Variants in CACNA1A observed in about 807,000 individuals in gnomAD.
CACNA1A encodes calcium voltage-gated channel subunit alpha1 A.
A neutral mutation model predicts 262.4 loss-of-function variants in CACNA1A; 57 were observed. The ratio of observed to expected loss-of-function variants is 0.22; its 90% CI spans 0.18 to 0.27. The LOEUF is 0.27. Among genes scored for constraint, CACNA1A ranks in the 10% least tolerant of loss-of-function variants. The probability of loss-of-function intolerance (pLI) is 1.00; values close to 1 mark genes in which losing one functional copy is unlikely to be tolerated. For missense variants in CACNA1A, 2,526 were observed against 3,562.8 expected, an observed-to-expected ratio of 0.71 and a Z score of 7.41; for synonymous variants, 1,431 against 1,419.3, an observed-to-expected ratio of 1.01 and a Z score of -0.18.
intron 3 of CACNA1A, among the ~76,000 whole-genome samples, chr19:13,381,839 C>T (rs1599332424): frequency 6.6e-6 from 1 of 152,180 alleles, no homozygotes; most frequent in South Asian, 2.1e-4. Context: ...TGTGAGGGGA[C>T]GAAGGCAGTG....
intron 1 of CACNA1A, among the ~76,000 whole-genome samples, chr19:13,483,626 C>T (rs538253543): frequency 3.9e-5 from 6 of 152,278 alleles, no homozygotes; most frequent in Non-Finnish European, 8.8e-5. Flanking sequence ...TGGTCTTGGG[C>T]AGACTGGAGG....
intron 3 of CACNA1A, chr19:13,451,648 T>C (rs374177621): frequency 6.6e-6 from 1 of 152,246 alleles, no homozygotes; most frequent in Non-Finnish European, 1.5e-5. Flanking sequence ...AGGATATGAA[T>C]GGAACAGGTA....
intron 11 of CACNA1A, among the ~76,000 whole-genome samples, chr19:13,313,765 C>G (rs1165462887): frequency 6.6e-6 from 1 of 152,048 alleles, no homozygotes; most frequent in Non-Finnish European, 1.5e-5. Context: ...ACCATAACGG[C>G]CCCATAATGC....
intron 5 of CACNA1A, chr19:13,363,413 G>T (rs1383507590): frequency 1.4e-5 from 2 of 145,472 alleles, no homozygotes; most frequent in African/African-American, 2.6e-5. Context: ...ATCGGGGAAA[G>T]AAATAATTAG....
intron 1 of CACNA1A, among the ~76,000 whole-genome samples, chr19:13,458,936 C>T (rs192001018): frequency 3.9e-5 from 6 of 152,304 alleles, no homozygotes; most frequent in Middle Eastern, 3.4e-3. Context: ...GCAGGATTTC[C>T]CAACCTCAGC....
intron 1 of CACNA1A, among the ~76,000 whole-genome samples, chr19:13,466,421 GCCTCCATTT>G (rs1033278880): frequency 2.6e-5 from 4 of 151,400 alleles, no homozygotes; most frequent in Admixed American, 6.6e-5. Context: ...GCTCACTGCA[GCCTCCATTT>G]CCTGGGTTCA....
chr19:13,455,594 T>TGCTATACATG (rs2060991419), intron 1 of CACNA1A, among the ~76,000 whole-genome samples: 1 of 152,200 alleles, frequency 6.6e-6, no homozygotes, highest in Non-Finnish European at 1.5e-5. Context: ...ACATCATGTA[T>TGCTATACATG]ACTATGCTAT....
At chr19:13,432,765 T>G (rs2060536149) in intron 3 of CACNA1A, among the ~76,000 whole-genome samples, 1 of 151,800 alleles carries the variant, frequency 6.6e-6, no homozygotes, top group South Asian at 2.1e-4. Context: ...TGCGATGTAG[T>G]GGATATGTTA....
At chr19:13,425,938 A>G (rs1400890848) in intron 3 of CACNA1A, among the ~76,000 whole-genome samples, 1 of 152,164 alleles carries the variant, frequency 6.6e-6, no homozygotes, top group Non-Finnish European at 1.5e-5. Context: ...CACGCCTGTA[A>G]TCCCAGCTAC....
chr19:13,409,104 T>G (rs1599387523), intron 3 of CACNA1A, among the ~76,000 whole-genome samples: 1 of 152,310 alleles, frequency 6.6e-6, no homozygotes, highest in East Asian at 1.9e-4. Flanking sequence ...TTACCTTGCT[T>G]GGCTCATTCA....
chr19:13,380,282 C>CA (rs58162911), intron 3 of CACNA1A, among the ~76,000 whole-genome samples: 80 of 22,008 alleles, frequency 3.6e-3, no homozygotes, highest in East Asian at 0.015. Context: ...GATGCCGTCT[C>CA]AAAAAAAAAA....
In CACNA1A at chr19:13,207,886, C is replaced by T; in HGVS notation, c.6948G>A (p.Gln2316=). 1.4e-6 allele frequency: 2 copies of T among 1,460,404 alleles called. No homozygotes were observed. Among genetic ancestry groups the T allele is most frequent in the Non-Finnish European group, 1.8e-6 (2 of 1,108,004 alleles). The allele number at this position is 1,460,404 out of a possible 1,614,324, so 90.5% of individuals were successfully genotyped here. ...AGGSGPPQQQ[Q]QQQQQQQQQA... The stretch of plus-strand genomic sequence containing the variant: ...GCTGCTGCTGCTGCTGCTGCTGCTG[C>T]TGCTGCTGCTGCGGGGGCCCCGAGC... Residue 2316 remains glutamine, a synonymous_variant, in exon 47 of 47, where the codon CAG becomes CAA. Transcript: ENST00000360228. This position sits in a 1 kb window ranked among gnomAD's most constrained non-coding sequence, Gnocchi z 5.7.
chr19:13,454,266 C>T (rs1047299976), intron 2 of CACNA1A, among the ~76,000 whole-genome samples: 1 of 151,626 alleles, frequency 6.6e-6, no homozygotes, highest in African/African-American at 2.4e-5. Flanking sequence ...GGTGACCAGT[C>T]CCCCTCCTGA....
chr19:13,475,202 T>C (rs1978378418), intron 1 of CACNA1A, among the ~76,000 whole-genome samples: 1 of 152,176 alleles, frequency 6.6e-6, no homozygotes, highest in Admixed American at 6.5e-5. Flanking sequence ...AGCCCCAAAA[T>C]GCAGATAATG....
At chr19:13,346,579 G>A (rs12982574) in intron 6 of CACNA1A, among the ~76,000 whole-genome samples, 79,113 of 132,734 alleles carry the variant, frequency 0.6, 24,902 homozygotes, top group East Asian at 0.83. Context: ...GAGAGAAGGA[G>A]AGAAATGTTT....
chr19:13,269,397 C>T (rs964023984), intron 24 of CACNA1A, among the ~76,000 whole-genome samples: 3 of 152,198 alleles, frequency 2.0e-5, no homozygotes, highest in East Asian at 1.9e-4. Context: ...GTGGGTATCT[C>T]GCACTCTAAT....
intron 3 of CACNA1A, among the ~76,000 whole-genome samples, chr19:13,385,162 A>G (rs2059587399): frequency 1.3e-5 from 2 of 152,086 alleles, no homozygotes; most frequent in Admixed American, 6.6e-5. Context: ...CAGTGCAGAA[A>G]GTTCCATTGG....
At chr19:13,266,491 T>G (rs559978087) in intron 24 of CACNA1A, among the ~76,000 whole-genome samples, 2 of 152,330 alleles carry the variant, frequency 1.3e-5, no homozygotes, top group South Asian at 4.1e-4. Context: ...CAAGTGACAA[T>G]TGGGAGCATG....
intron 3 of CACNA1A, among the ~76,000 whole-genome samples, chr19:13,413,998 A>C (rs1483801598): frequency 6.6e-6 from 1 of 152,048 alleles, no homozygotes; most frequent in African/African-American, 2.4e-5. Context: ...GAAGGATGGA[A>C]GAGTGGAAGG....
Sources: gnomAD v4.1 joint callset for allele counts (sites outside exome capture counted in the v4.1 genomes callset) on GRCh38, gnomAD v4.1.1 for gene constraint, Gnocchi (gnomAD v3.1) non-coding constraint, MANE v1.5 for transcripts, NCBI Gene and HGNC (gene_info 2026-07-23, HGNC 2026-07-21) for gene names.